The following THRAP3 variants were observed in gnomAD, a reference collection of about 807,000 sequenced individuals.
THRAP3 encodes thyroid hormone receptor associated protein 3.
In THRAP3, 16 loss-of-function variants were observed where a neutral mutation model predicts 101.0. The ratio of observed to expected loss-of-function variants is 0.16; its 90% CI spans 0.11 to 0.24. The LOEUF (loss-of-function observed/expected upper bound fraction) is 0.24, where lower values mean the gene tolerates loss of function less well. THRAP3 is among the 10% of genes least tolerant of loss of function. The pLI is 1.00. For missense variants in THRAP3, 989 were observed against 1,202.7 expected, an observed-to-expected ratio of 0.82 and a Z score of 2.63; for synonymous variants, 407 against 422.6, an observed-to-expected ratio of 0.96 and a Z score of 0.45.
the THRAP3 span, among the ~76,000 whole-genome samples, chr1:36,209,126 T>C: frequency 6.6e-6 from 1 of 151,770 alleles, no homozygotes; most frequent in Admixed American, 6.6e-5. Flanking sequence ...ACAGGCACAC[T>C]GATACCATGC....
intron 4 of THRAP3, chr1:36,288,824 G>A (rs1240540373): frequency 1.0e-6 from 1 of 985,238 alleles, no homozygotes; most frequent in African/African-American, 1.7e-5. Context: ...GGTTGCTTTT[G>A]TAAGACACAA....
upstream of THRAP3, among the ~76,000 whole-genome samples, chr1:36,221,154 T>C (rs371694388): frequency 2.9e-5 from 4 of 138,102 alleles, no homozygotes; most frequent in East Asian, 8.3e-4. Flanking sequence ...GCCACTGCAC[T>C]GCAATCTGGG....
At chr1:36,261,302 G>A (rs1645442138) in intron 2 of THRAP3, among the ~76,000 whole-genome samples, 1 of 152,152 alleles carries the variant, frequency 6.6e-6, no homozygotes, top group Non-Finnish European at 1.5e-5. Context: ...GGAGGCCAAG[G>A]CGGGCAGATC....
rs760285875 is a variant in THRAP3, at chr1:36,301,668, A to G, written c.2618A>G (p.Tyr873Cys). Residue 873 changes from tyrosine (Y) to cysteine (C), a missense_variant, in exon 11 of 12, where the codon TAC becomes TGC. Tyr to Cys is a radical substitution (Grantham distance 194). Transcript: ENST00000354618. ...CGGGAAGAGGAGTGGGACCCAGAGT[A>G]CACACCCAAAAGCAAGAAGTATTAC... ...RNREEEWDPEYTPKSKKYYLH... is the reference protein window; with the variant it reads ...RNREEEWDPECTPKSKKYYLH... The G allele has an allele frequency of 6.2e-7, 1 of 1,614,104 alleles. No homozygotes were observed. The highest frequency in any genetic ancestry group is 1.3e-5 in the African/African-American group (1 of 75,064).
At chr1:36,293,640 CTGTGTGTGTGTGTGTGTGTGTG>C (rs577292328) in intron 7 of THRAP3, among the ~76,000 whole-genome samples, 189 bp from the exon 8 acceptor site, 3 of 133,314 alleles carry the variant, frequency 2.3e-5, no homozygotes, top group East Asian at 2.3e-4. Context: ...GAACCTGGGA[CTGTGTGTGTGTGTGTGTGTGTG>C]TGTGTGTGTG....
At chr1:36,214,055 A>AAAGAAAG in the THRAP3 span, among the ~76,000 whole-genome samples, 1 of 125,636 alleles carries the variant, frequency 8.0e-6, no homozygotes, top group African/African-American at 3.3e-5. Context: ...AGAAAGAAAG[A>AAAGAAAG]AAGAAAGAAA....
In THRAP3 at chr1:36,304,592, A is replaced by G. The variant is rs1216508581; in HGVS notation, c.*575A>G. 4 of 223,610 alleles carry G rather than the reference A, an allele frequency of 1.8e-5. No individual in the cohort carries two copies. In the East Asian group the frequency reaches 2.6e-4, roughly 14 times the overall value. 13.9% of individuals were successfully genotyped at this position (223,610 alleles called of 1,614,324 possible). ...CTCAGTTTGGGACCAAACTGCTTGG[A>G]TCTTTGTAAAAACCGGTTTTGTATG... On this transcript the variant is annotated 3_prime_UTR_variant, in exon 12 of 12. Coordinates refer to ENST00000354618, the MANE Select transcript of THRAP3 (RefSeq NM_005119.4).
chr1:36,303,110 TA>T (rs1383204995), intron 11 of THRAP3, among the ~76,000 whole-genome samples: 9 of 143,602 alleles, frequency 6.3e-5, no homozygotes, highest in Non-Finnish European at 1.5e-5. Flanking sequence ...CATGCCTGGC[TA>T]ATTTTTTTTT....
At chr1:36,235,385 C>G (rs1014279306) in intron 1 of THRAP3, among the ~76,000 whole-genome samples, 1 of 151,942 alleles carries the variant, frequency 6.6e-6, no homozygotes, top group Non-Finnish European at 1.5e-5. Flanking sequence ...ACTCAGAACC[C>G]TCAACCCCAC....
chr1:36,250,979 T>C (rs946731642), intron 1 of THRAP3, among the ~76,000 whole-genome samples: 14 of 151,616 alleles, frequency 9.2e-5, no homozygotes, highest in Non-Finnish European at 2.1e-4. Context: ...ACTCCTAAGC[T>C]CAAGTGATCC....
At chr1:36,291,603 A>C in intron 6 of THRAP3, 57 bp downstream of exon 6, 1 of 1,576,892 alleles carries the variant, frequency 6.3e-7, no homozygotes, top group African/African-American at 1.3e-5. Flanking sequence ...AAGAAGGATG[A>C]ATGATGGGTG....
chr1:36,259,574 A>C, intron 2 of THRAP3, 90 bp downstream of exon 2: 1 of 393,094 alleles, frequency 2.5e-6, no homozygotes, highest in Non-Finnish European at 4.5e-6. Context: ...AGACCAGCCT[A>C]TGCAACATGG....
intron 1 of THRAP3, among the ~76,000 whole-genome samples, chr1:36,233,186 G>A (rs982647812): frequency 2.7e-5 from 4 of 150,208 alleles, no homozygotes; most frequent in African/African-American, 9.8e-5. Context: ...GTATTCTTAA[G>A]ATGTGTACAT....
At chr1:36,279,105 CTGTT>C (rs1373458885) in intron 2 of THRAP3, among the ~76,000 whole-genome samples, 4 of 152,046 alleles carry the variant, frequency 2.6e-5, no homozygotes, top group African/African-American at 4.8e-5. Flanking sequence ...AAGTTTGGCT[CTGTT>C]TGTATTTACA....
rs1007206628 is a variant in THRAP3 at position 36,282,395 on chromosome 1, A to T, written c.-31-138A>T. On this transcript the variant is annotated intron_variant, in intron 2 of 11. Coordinates refer to ENST00000354618, the MANE Select transcript of THRAP3 (RefSeq NM_005119.4). ...CACTGTGACTGGCTAATTAAAAAAA[A>T]ATTTTTTTTTTTTTTTTGTAGATAT... The T allele has an allele frequency of 2.0e-3, 1,179 of 598,252 alleles. 10 individuals carry two copies. The highest frequency in any genetic ancestry group is 9.9e-3 in the South Asian group (425 of 42,808). The allele number at this position is 598,252 out of a possible 1,614,324, so 37.1% of individuals were successfully genotyped here.
At chr1:36,297,664 T>G (rs1213967326) in intron 9 of THRAP3, among the ~76,000 whole-genome samples, 1 of 151,152 alleles carries the variant, frequency 6.6e-6, no homozygotes, top group Non-Finnish European at 1.5e-5. Context: ...AGTCTGGTCT[T>G]GAACTCCCGA....
the THRAP3 span, among the ~76,000 whole-genome samples, chr1:36,218,317 A>T: frequency 6.9e-6 from 1 of 144,952 alleles, no homozygotes; most frequent in East Asian, 2.1e-4. Context: ...TGCAGTGAGC[A>T]GAGATTGCAT....
At chr1:36,270,969 T>C (rs907035747) in intron 2 of THRAP3, among the ~76,000 whole-genome samples, 7 of 152,294 alleles carry the variant, frequency 4.6e-5, no homozygotes, top group Admixed American at 1.3e-4. Flanking sequence ...ATGTTAACTT[T>C]TTTTTTAGAA....
chr1:36,288,794 T>C (rs1645827839), intron 4 of THRAP3: 2 of 985,354 alleles, frequency 2.0e-6, no homozygotes, highest in African/African-American at 3.5e-5. Context: ...ATCCTAAAAA[T>C]AACTTTTGTT....
Sources: allele counts gnomAD v4.1 joint callset (sites outside exome capture counted in the v4.1 genomes callset), GRCh38; gene constraint gnomAD v4.1.1; transcripts MANE v1.5; gene names NCBI Gene and HGNC (gene_info 2026-07-23, HGNC 2026-07-21).